EPC2: variants seen among roughly 807,000 people sequenced by gnomAD.
EPC2 encodes enhancer of polycomb homolog 2.
EPC2 carries 14 observed loss-of-function variants against 92.1 expected under a neutral mutation model. The ratio of observed to expected loss-of-function variants is 0.15; its 90% CI spans 0.10 to 0.24. The LOEUF (loss-of-function observed/expected upper bound fraction) is 0.24. Ranked by LOEUF, EPC2 falls within the 10% of genes least tolerant of loss-of-function variation. The pLI is 1.00. For synonymous variants in EPC2, 340 were observed against 334.7 expected, an observed-to-expected ratio of 1.02 and a Z score of -0.17; for missense variants, 755 against 971.5, an observed-to-expected ratio of 0.78 and a Z score of 2.96.
At chr2:148,704,719 G>A (rs1681958072) in intron 2 of EPC2, among the ~76,000 whole-genome samples, 1 of 152,008 alleles carries the variant, frequency 6.6e-6, no homozygotes, top group Non-Finnish European at 1.5e-5. Flanking sequence ...TTTGTAAGTG[G>A]TGTTCTTTTG....
At chr2:148,760,448 T>C (rs891964787) in intron 4 of EPC2, among the ~76,000 whole-genome samples, 1 of 152,200 alleles carries the variant, frequency 6.6e-6, no homozygotes, top group Non-Finnish European at 1.5e-5. Context: ...ATATCTGTTT[T>C]CTGTCTGTCA....
In EPC2 at chr2:148,746,116, G is replaced by C. The variant is rs77633359; in HGVS notation, c.459+2349G>C. 2.7e-3 allele frequency among the ~76,000 whole-genome samples: 411 copies of C among 151,734 alleles called. 2 individuals are homozygous for C. Among genetic ancestry groups the C allele is most frequent in the Non-Finnish European group, 4.6e-3 (314 of 67,848 alleles). ...TTCATTCAACTCCTGTAAACATCAG[G>C]GTTTCTTGAAATTCTGTTCTTGGTT... On this transcript the variant is annotated intron_variant, in intron 3 of 13. Coordinates refer to ENST00000258484, the MANE Select transcript of EPC2 (RefSeq NM_015630.4).
intron 11 of EPC2, 103 bp from the exon 12 acceptor site, chr2:148,783,494 T>TC (rs1236958743): frequency 3.7e-6 from 4 of 1,086,636 alleles, no homozygotes; most frequent in Non-Finnish European, 5.3e-6. Context: ...TTGTAATTGT[T>TC]CAAGGTTAGA....
chr2:148,743,518 A>G (rs1472693877), intron 2 of EPC2, 104 bp from the exon 3 acceptor site: 1 of 824,632 alleles, frequency 1.2e-6, no homozygotes, highest in Non-Finnish European at 1.8e-6. Context: ...GCTCCCCTTT[A>G]GTCAGTGCAC....
In EPC2 at chr2:148,783,718, C is replaced by CAACATAAACGG; in HGVS notation, c.1979_1980insAACATAAACGG (p.Gly661ThrfsTer2). On this transcript the variant is annotated stop_gained and frameshift_variant, in exon 12 of 14. Coordinates refer to ENST00000258484, the MANE Select transcript of EPC2 (RefSeq NM_015630.4). LOFTEE classifies it high-confidence loss of function. ...AGTGAGGTAGCCAAGGAACAGAACA[C>CAACATAAACGG]TGGCCACAACAACATAAACGGTGTT... 1 of 1,592,620 alleles carries CAACATAAACGG rather than the reference C, an allele frequency of 6.3e-7. No homozygotes were observed.
chr2:148,697,209 C>A (rs990950489), intron 2 of EPC2, among the ~76,000 whole-genome samples: 7 of 152,116 alleles, frequency 4.6e-5, no homozygotes, highest in African/African-American at 1.7e-4. Flanking sequence ...TATACTGCCT[C>A]TTAGTCATGG....
intron 2 of EPC2, among the ~76,000 whole-genome samples, chr2:148,696,042 G>C (rs978109916): frequency 6.6e-6 from 1 of 152,348 alleles, no homozygotes; most frequent in African/African-American, 2.4e-5. Flanking sequence ...CTGCAACCGT[G>C]TCCTATTCTT....
At chr2:148,745,305 A>G (rs944356361) in intron 3 of EPC2, among the ~76,000 whole-genome samples, 4 of 152,004 alleles carry the variant, frequency 2.6e-5, no homozygotes, top group Admixed American at 2.0e-4. Context: ...CTCAGAAACT[A>G]CTCATAGTGG....
At chr2:148,754,888 T>C (rs79802546) in intron 4 of EPC2, among the ~76,000 whole-genome samples, 2,125 of 152,310 alleles carry the variant, frequency 0.014, 52 homozygotes, top group African/African-American at 0.049. Context: ...ATTCACTGTC[T>C]TCCATTTCTC....
At chr2:148,712,915 C>T (rs1185609692) in intron 2 of EPC2, among the ~76,000 whole-genome samples, 1 of 150,972 alleles carries the variant, frequency 6.6e-6, no homozygotes, top group Non-Finnish European at 1.5e-5. Context: ...GCATGCTAGC[C>T]AGGTGCCATG....
intron 2 of EPC2, among the ~76,000 whole-genome samples, chr2:148,728,453 C>T (rs1041325804): frequency 4.6e-5 from 7 of 151,762 alleles, no homozygotes; most frequent in African/African-American, 1.7e-4. Context: ...CTAGAAAAAA[C>T]GAACTTAAGG....
chr2:148,746,434 A>G (rs530863037), intron 3 of EPC2, among the ~76,000 whole-genome samples: 1 of 152,178 alleles, frequency 6.6e-6, no homozygotes, highest in East Asian at 1.9e-4. Context: ...TAACTAATTC[A>G]CTTCAGGGTT....
intron 11 of EPC2, among the ~76,000 whole-genome samples, chr2:148,782,579 G>C (rs1263435117): frequency 6.6e-6 from 1 of 151,854 alleles, no homozygotes; most frequent in Middle Eastern, 3.4e-3. Flanking sequence ...TTAAAATGAA[G>C]AAGAAAATTG....
At chr2:148,685,559 G>A (rs1465178342) in intron 1 of EPC2, among the ~76,000 whole-genome samples, 1 of 152,206 alleles carries the variant, frequency 6.6e-6, no homozygotes, top group East Asian at 1.9e-4. Context: ...AGGAGATCGA[G>A]ACCATCCTGG....
intron 1 of EPC2, among the ~76,000 whole-genome samples, chr2:148,685,015 A>T (rs1429677994): frequency 6.6e-6 from 1 of 152,118 alleles, no homozygotes; most frequent in African/African-American, 2.4e-5. Flanking sequence ...CATACTTGTT[A>T]GCCTTTTGGG....
chr2:148,665,107 T>G (rs555994526), intron 1 of EPC2, among the ~76,000 whole-genome samples: 1 of 152,354 alleles, frequency 6.6e-6, no homozygotes, highest in Admixed American at 6.5e-5. Context: ...ACCTGGGAGC[T>G]TGTTAAAATG....
chr2:148,773,236 A>C (rs943584366), intron 10 of EPC2, among the ~76,000 whole-genome samples: 1 of 151,984 alleles, frequency 6.6e-6, no homozygotes, highest in Non-Finnish European at 1.5e-5. Flanking sequence ...TGACACTACC[A>C]TACAACATAA....
At chr2:148,663,403 A>G (rs1227300064) in intron 1 of EPC2, among the ~76,000 whole-genome samples, 1 of 150,968 alleles carries the variant, frequency 6.6e-6, no homozygotes, top group Non-Finnish European at 1.5e-5. Context: ...TATTTTTAGT[A>G]GAGACAGGGT....
intron 3 of EPC2, among the ~76,000 whole-genome samples, chr2:148,745,207 A>G (rs1031917737): frequency 2.0e-5 from 3 of 152,052 alleles, no homozygotes; most frequent in African/African-American, 2.4e-5. Context: ...GGCATCAGGT[A>G]AAGTTTCAGT....
Sources: gnomAD v4.1 joint callset for allele counts (sites outside exome capture counted in the v4.1 genomes callset) on GRCh38, gnomAD v4.1.1 for gene constraint, MANE v1.5 for transcripts, NCBI Gene and HGNC (gene_info 2026-07-23, HGNC 2026-07-21) for gene names.